The following PCNX2 variants were observed in gnomAD, a reference collection of about 807,000 sequenced individuals.
The protein encoded by PCNX2 is pecanex 2.
PCNX2 carries 168 observed loss-of-function variants against 223.8 expected under a neutral mutation model. The ratio of observed to expected loss-of-function variants is 0.75; its 90% confidence interval spans 0.66 to 0.85. The LOEUF is 0.85. Ranked by LOEUF, PCNX2 falls within the 40% of genes least tolerant of loss-of-function variation. The probability of loss-of-function intolerance (pLI) is 0.00; values close to 1 mark genes in which losing one functional copy is unlikely to be tolerated. For synonymous variants in PCNX2, 1,006 were observed against 1,052.6 expected (o/e 0.96, Z 0.86); for missense variants, 2,507 against 2,675.5 (o/e 0.94, Z 1.39).
At chr1:233,224,109 G>C (rs1274159642) in intron 10 of PCNX2, among the ~76,000 whole-genome samples, 2 of 152,172 alleles carry the variant, frequency 1.3e-5, no homozygotes, top group Non-Finnish European at 2.9e-5. Flanking sequence ...ACAGATCCTA[G>C]CACGGAACAG....
chr1:233,172,010 A>ATTTG lies in PCNX2; in HGVS notation c.3273+5788_3273+5791dup, dbSNP rs573943981. Among the ~76,000 whole-genome samples the ATTTG allele has an allele frequency of 1.8e-3, 278 of 151,868 alleles. 2 individuals carry two copies. Among genetic ancestry groups the ATTTG allele is most frequent in the Middle Eastern group, 0.01 (3 of 294 alleles). On this transcript the variant is annotated intron_variant, in intron 17 of 33. Coordinates refer to ENST00000258229, the MANE Select transcript of PCNX2 (RefSeq NM_014801.4). ...TGGTGGTGTATATTTCAATTGATTC[A>ATTTG]TTTGTTTGTTTGTTTGTTTAGGAAA...
chr1:233,305,288 TA>T, the PCNX2 span, among the ~76,000 whole-genome samples: 1,685 of 151,974 alleles, frequency 0.011, 29 homozygotes, highest in African/African-American at 0.038. Flanking sequence ...ACAATTTGTA[TA>T]AAAAAAAGCA....
chr1:232,988,035 G>A (rs1440024743), intron 32 of PCNX2, among the ~76,000 whole-genome samples: 3 of 152,236 alleles, frequency 2.0e-5, no homozygotes, highest in Admixed American at 6.5e-5. Context: ...CATTCGGGCC[G>A]GCCTGAAAGG....
chr1:233,184,842 A>G (rs1680000660), intron 15 of PCNX2, among the ~76,000 whole-genome samples: 1 of 152,104 alleles, frequency 6.6e-6, no homozygotes, highest in Non-Finnish European at 1.5e-5. Flanking sequence ...TTCTTCCAAG[A>G]AAAGGGTGGG....
At chr1:233,003,998 G>T (rs1347578054) in intron 28 of PCNX2, among the ~76,000 whole-genome samples, 1 of 152,144 alleles carries the variant, frequency 6.6e-6, no homozygotes, top group African/African-American at 2.4e-5. Context: ...ACCGGGGCCT[G>T]TTGGAGGGTG....
At chr1:233,088,142 C>T (rs1160621765) in intron 23 of PCNX2, among the ~76,000 whole-genome samples, 4 of 152,118 alleles carry the variant, frequency 2.6e-5, no homozygotes, top group Admixed American at 1.3e-4. Flanking sequence ...ACTCCTTTTG[C>T]GCAGGTGTTA....
chr1:233,264,989 G>T (rs1660250995), intron 1 of PCNX2, among the ~76,000 whole-genome samples: 1 of 152,112 alleles, frequency 6.6e-6, no homozygotes, highest in Non-Finnish European at 1.5e-5. Context: ...TGTAATCTCA[G>T]CACTTTGGGA....
chr1:233,177,812 T>A lies in PCNX2; in HGVS notation c.3263A>T (p.Lys1088Ile). Reference sequence around the variant, plus strand: ...ACGCAAATGTCTCACCACTGAATCTTTCATCTTCTTGGGGAGAGGGTCAGC... The same window carrying A: ...ACGCAAATGTCTCACCACTGAATCTATCATCTTCTTGGGGAGAGGGTCAGC... ...SAADPLPKKM[K>I]DSVTDVLKWD... is the part of the protein sequence containing the mutation. Residue 1088 changes from lysine (K) to isoleucine (I), a missense_variant, in exon 17 of 34, where the codon AAA becomes ATA. By Grantham distance (102) the Lys-to-Ile change is moderately radical. Coordinates refer to ENST00000258229, the MANE Select transcript of PCNX2 (RefSeq NM_014801.4). 6.2e-7 allele frequency: 1 copy of A among 1,613,156 alleles called. No individual in the cohort carries two copies. Among genetic ancestry groups the A allele is most frequent in the Non-Finnish European group, 8.5e-7 (1 of 1,179,136 alleles).
intron 8 of PCNX2, among the ~76,000 whole-genome samples, chr1:233,248,853 CCAACA>C (rs1409397945): frequency 6.6e-6 from 1 of 152,176 alleles, no homozygotes; most frequent in African/African-American, 2.4e-5. Context: ...GCGCAGCACC[CCAACA>C]CAACCTCACC....
chr1:233,004,234 A>T (rs940609558), intron 28 of PCNX2, among the ~76,000 whole-genome samples: 2 of 152,020 alleles, frequency 1.3e-5, no homozygotes, highest in African/African-American at 2.4e-5. Context: ...GTATTTTTTT[A>T]AAAAAGAGGG....
intron 1 of PCNX2, among the ~76,000 whole-genome samples, chr1:233,290,162 T>C (rs553477924): frequency 1.3e-5 from 2 of 150,356 alleles, no homozygotes; most frequent in East Asian, 3.9e-4. Context: ...TATTAGGGGG[T>C]TAGGGGTATG....
At chr1:233,283,502 C>T (rs1409339187) in intron 1 of PCNX2, among the ~76,000 whole-genome samples, 2 of 152,080 alleles carry the variant, frequency 1.3e-5, no homozygotes, top group Non-Finnish European at 2.9e-5. Context: ...AAAGCAACAA[C>T]GTGCTCACAA....
At chr1:233,190,520 G>A (rs572124366) in intron 15 of PCNX2, among the ~76,000 whole-genome samples, 2 of 152,150 alleles carry the variant, frequency 1.3e-5, no homozygotes, top group South Asian at 2.1e-4. Flanking sequence ...TTCAAAATAC[G>A]GTTAGAACAT....
intron 1 of PCNX2, among the ~76,000 whole-genome samples, chr1:233,290,163 TA>T (rs1211403560): frequency 1.6e-5 from 2 of 123,880 alleles, no homozygotes; most frequent in East Asian, 2.2e-4. Flanking sequence ...ATTAGGGGGT[TA>T]GGGGTATGAA....
the PCNX2 span, among the ~76,000 whole-genome samples, chr1:233,321,644 G>T: frequency 6.6e-6 from 1 of 152,098 alleles, no homozygotes; most frequent in African/African-American, 2.4e-5. Flanking sequence ...GTGCAGAAAT[G>T]CTTTATATGC....
chr1:233,039,736 T>G (rs1252528288), intron 25 of PCNX2, among the ~76,000 whole-genome samples: 1 of 152,240 alleles, frequency 6.6e-6, no homozygotes, highest in Non-Finnish European at 1.5e-5. Context: ...AAACTGGCTT[T>G]GGTTTTCAAA....
chr1:233,025,179 G>A lies in PCNX2; in HGVS notation c.4572C>T (p.Asp1524=), dbSNP rs1438791433. ...AGTAGCGGATGAGGATCCTTCGGAG[G>A]TCAAACACCTGCAGCATGGTGGCCG... is the stretch of plus-strand genomic sequence containing the variant. ...NNAATMLQVF[D]LRRILIRYYI... is the part of the protein sequence containing the mutation. The change falls in exon 26 of 34, where the codon GAC becomes GAT. Residue 1524 remains aspartate (D), a synonymous_variant. Coordinates refer to ENST00000258229, the MANE Select transcript of PCNX2 (RefSeq NM_014801.4). 6.2e-7 allele frequency: 1 copy of A among 1,614,014 alleles called. No homozygotes were observed. Among genetic ancestry groups the A allele is most frequent in the Admixed American group, 1.7e-5 (1 of 60,028 alleles).
chr1:233,258,537 C>T lies in PCNX2; in HGVS notation c.1325G>A (p.Gly442Asp). The T allele has an allele frequency of 6.2e-7, 1 of 1,614,012 alleles. No individual in the cohort carries two copies. Among genetic ancestry groups the T allele is most frequent in the Non-Finnish European group, 8.5e-7 (1 of 1,179,892 alleles). The change falls in exon 5 of 34, where the codon GGT (glycine) becomes GAT (aspartate). Residue 442 changes from glycine (G) to aspartate (D), a missense_variant. Coordinates refer to ENST00000258229, the MANE Select transcript of PCNX2 (RefSeq NM_014801.4). ...TLDLPEGGGG[G>D]VPCPEGNGSE... ...TCCATTGCCTTCGGGACAGGGAACA[C>T]CTCCTCCCCCACCCTCAGGCAGGTC...
chr1:233,269,843 T>C (rs1032210898), intron 1 of PCNX2, among the ~76,000 whole-genome samples: 2 of 152,130 alleles, frequency 1.3e-5, no homozygotes, highest in Non-Finnish European at 2.9e-5. Flanking sequence ...AGTCTGGTTA[T>C]TTATGCCATC....
Sources: gnomAD v4.1 joint callset for allele counts (sites outside exome capture counted in the v4.1 genomes callset) on GRCh38, gnomAD v4.1.1 for gene constraint, MANE v1.5 for transcripts, NCBI Gene and HGNC (gene_info 2026-07-23, HGNC 2026-07-21) for gene names.